VWA8: variants seen among roughly 807,000 people sequenced by gnomAD.
VWA8 encodes von Willebrand factor A domain-containing protein 8.
VWA8 carries 221 observed loss-of-function variants against 241.5 expected under a neutral mutation model. That is an observed-to-expected ratio of 0.91 (90% CI 0.82 to 1.02). The LOEUF (loss-of-function observed/expected upper bound fraction) is 1.02. VWA8 is among the 50% of genes least tolerant of loss of function. The pLI, the probability that VWA8 is intolerant of heterozygous loss-of-function variation, is 0.00. For missense variants in VWA8, 2,322 were observed against 2,328.7 expected (o/e 1.00, Z 0.06); for synonymous variants, 852 against 827.1 (o/e 1.03, Z -0.52).
At chr13:41,661,754 T>G (rs2044951445) in intron 37 of VWA8, among the ~76,000 whole-genome samples, 2 of 152,364 alleles carry the variant, frequency 1.3e-5, no homozygotes, top group Admixed American at 6.5e-5. Flanking sequence ...CATGGCATTG[T>G]ATACTATTAT....
In VWA8 at chr13:41,866,092, A is replaced by C. The variant is rs1481687983; in HGVS notation, c.1213-56T>G. On this transcript the variant is annotated intron_variant, in intron 10 of 44. Coordinates refer to ENST00000379310, the MANE Select transcript of VWA8 (RefSeq NM_015058.2). ...GCCAGATGTGGTGGCTCACGCCTAT[A>C]ATCCCAACACTTTGGGAGGCCAAGG... 4 of 1,593,110 alleles carry C rather than the reference A, an allele frequency of 2.5e-6. No homozygotes were observed. In the East Asian group the frequency reaches 9.0e-5, roughly 36 times the overall value.
intron 9 of VWA8, among the ~76,000 whole-genome samples, chr13:41,874,778 T>C (rs1873817129): frequency 2.0e-5 from 3 of 152,144 alleles, no homozygotes; most frequent in African/African-American, 7.2e-5. Context: ...AAATTCTGCA[T>C]ACCATGTTGC....
intron 20 of VWA8, among the ~76,000 whole-genome samples, chr13:41,777,345 ATGGGAAGGGGACAGGAAGTTCTCCC>A (rs1868652190): frequency 6.6e-6 from 1 of 152,168 alleles, no homozygotes; most frequent in Non-Finnish European, 1.5e-5. Flanking sequence ...GGGAGGGTAT[ATGGGAAGGGGACAGGAAGTTCTCCC>A]TGCAGAAGGA....
chr13:41,772,346 T>A (rs1277585860), intron 20 of VWA8, among the ~76,000 whole-genome samples: 3 of 152,148 alleles, frequency 2.0e-5, no homozygotes, highest in African/African-American at 7.2e-5. Context: ...GCAGGAAACT[T>A]ATTCTTGAGC....
At chr13:41,888,782 C>A (rs1241033844) in intron 5 of VWA8, among the ~76,000 whole-genome samples, 1 of 152,128 alleles carries the variant, frequency 6.6e-6, no homozygotes, top group Non-Finnish European at 1.5e-5. Context: ...TATAACAGGA[C>A]AAATGTCTGT....
At chr13:41,611,848 T>C in intron 38 of VWA8, 116 bp from the exon 39 acceptor site, 1 of 1,148,286 alleles carries the variant, frequency 8.7e-7, no homozygotes, top group Non-Finnish European at 1.2e-6. Context: ...TAACTAGTAA[T>C]TAAACAGTCA....
At chr13:41,750,744 A>C (rs76728835) in intron 21 of VWA8, among the ~76,000 whole-genome samples, 2,018 of 152,372 alleles carry the variant, frequency 0.013, 23 homozygotes, top group Middle Eastern at 0.054. Context: ...CTTATTGCTA[A>C]GACTTCATCA....
rs557118773 is a variant in VWA8, at chr13:41,654,283, A to AT, written c.4611+16662dup. 7.2e-4 allele frequency among the ~76,000 whole-genome samples: 110 copies of AT among 152,352 alleles called. 1 individual carries two copies. The South Asian group carries it at 0.022, about 31-fold the overall frequency. On this transcript the variant is annotated intron_variant, in intron 37 of 44. Transcript: ENST00000379310. ...CAAATATATGCCCACAAAACACATT[A>AT]TAAAGGAAAAAATAGTAATGTCACA...
At chr13:41,917,003 C>T (rs972204798) in intron 2 of VWA8, among the ~76,000 whole-genome samples, 9 of 152,246 alleles carry the variant, frequency 5.9e-5, no homozygotes, top group African/African-American at 2.2e-4. Flanking sequence ...GATTCCTTTT[C>T]TATGTAAAGA....
In VWA8 at chr13:41,890,566, G is replaced by A. The variant is rs145497227; in HGVS notation, c.651+854C>T. On this transcript the variant is annotated intron_variant, in intron 5 of 44. Coordinates refer to ENST00000379310, the MANE Select transcript of VWA8 (RefSeq NM_015058.2). ...CCTCTTTATATGCATGTTTCTCACA[G>A]CATTTAATCATTCCACGGTACTTAT... Among the ~76,000 whole-genome samples, 693 of 152,262 alleles carry A rather than the reference G, an allele frequency of 4.6e-3. 4 individuals are homozygous for A. The highest frequency in any genetic ancestry group is 0.016 in the African/African-American group (663 of 41,546).
intron 2 of VWA8, among the ~76,000 whole-genome samples, chr13:41,920,256 T>C (rs1390475486): frequency 6.6e-6 from 1 of 152,130 alleles, no homozygotes; most frequent in African/African-American, 2.4e-5. Context: ...CCCTATTCCC[T>C]GGGGCCTGAA....
chr13:41,784,729 T>TATATATATATATATATACATAC (rs772522331), intron 18 of VWA8, among the ~76,000 whole-genome samples: 1 of 60,080 alleles, frequency 1.7e-5, no homozygotes, highest in Non-Finnish European at 3.6e-5. Context: ...TATATATATA[T>TATATATATATATATATACATAC]ACACACACAT....
intron 17 of VWA8, among the ~76,000 whole-genome samples, chr13:41,795,545 C>A (rs1292496950): frequency 6.6e-6 from 1 of 152,112 alleles, no homozygotes; most frequent in Non-Finnish European, 1.5e-5. Context: ...TGGAATCAAC[C>A]CAAATGCCCA....
Position 41,960,877 on chromosome 13 carries a change from G to C in VWA8, c.139C>G (p.His47Asp). Residue 47 changes from histidine to aspartate, a missense_variant, in exon 1 of 45, where the codon CAC (histidine) becomes GAC (aspartate). By Grantham distance (81) the His-to-Asp change is moderately conservative (BLOSUM62 -1). Coordinates refer to ENST00000379310, the MANE Select transcript of VWA8 (RefSeq NM_015058.2). The part of the protein sequence containing the change: ...DRQRPEVRLL[H>D]AGSGADTGDT... ...CCTGTGTCGGCCCCCGAGCCGGCGT[G>C]CAACAGTCTGACCTCCGGCCGCTGC... 6.6e-7 allele frequency: 1 copy of C among 1,519,098 alleles called. No homozygotes were observed. The highest frequency in any genetic ancestry group is 1.2e-5 in the South Asian group (1 of 83,366). 94.1% of individuals were successfully genotyped at this position (1,519,098 alleles called of 1,614,324 possible).
At chr13:41,582,010 T>C (rs1464902039) in intron 42 of VWA8, among the ~76,000 whole-genome samples, 2 of 152,210 alleles carry the variant, frequency 1.3e-5, no homozygotes, top group Non-Finnish European at 2.9e-5. Flanking sequence ...AAGCACTACA[T>C]GAACACTAAG....
intron 42 of VWA8, among the ~76,000 whole-genome samples, chr13:41,580,857 A>AC (rs1012099855): frequency 6.6e-5 from 10 of 152,020 alleles, no homozygotes; most frequent in Non-Finnish European, 1.2e-4. Flanking sequence ...GGCCATTCCT[A>AC]CCCCCCAAAT....
chr13:41,692,888 GT>G lies in VWA8; in HGVS notation c.3648del (p.Lys1216AsnfsTer35). 3.1e-6 allele frequency: 5 copies of G among 1,611,156 alleles called. No homozygotes were observed. The highest frequency in any genetic ancestry group is 4.2e-6 in the Non-Finnish European group (5 of 1,178,152). On this transcript the variant is annotated frameshift_variant, in exon 30 of 45. Transcript: ENST00000379310. LOFTEE classifies it high-confidence loss of function. ...GCTTCTTCTTTGTTCCACCAGAAAG[GT>G]TTCTTAGATGTAAACTTCTCGGAAG... ...ILPSEKFTSK[K>X]PFWWNKEEAE...
intron 42 of VWA8, among the ~76,000 whole-genome samples, chr13:41,581,890 G>T (rs2044385391): frequency 6.6e-6 from 1 of 152,118 alleles, no homozygotes; most frequent in African/African-American, 2.4e-5. Context: ...CCAGGAGCTT[G>T]GAGAAAGCAT....
intron 37 of VWA8, among the ~76,000 whole-genome samples, chr13:41,649,309 AAAT>A (rs2044853778): frequency 6.6e-6 from 1 of 152,180 alleles, no homozygotes; most frequent in African/African-American, 2.4e-5. Context: ...TAGCTAAAAT[AAAT>A]ATTTAACTTT....
Sources: gnomAD v4.1 joint callset for allele counts (sites outside exome capture counted in the v4.1 genomes callset) on GRCh38, gnomAD v4.1.1 for gene constraint, MANE v1.5 for transcripts, NCBI Gene and HGNC (gene_info 2026-07-23, HGNC 2026-07-21) for gene names.